The following SERPINB12 variants were observed in gnomAD, a reference collection of about 807,000 sequenced individuals.
The protein encoded by SERPINB12 is serpin B12.
SERPINB12 carries 57 observed loss-of-function variants against 41.1 expected under a neutral mutation model. The ratio of observed to expected loss-of-function variants is 1.39; its 90% confidence interval spans 1.12 to 1.73. The LOEUF (loss-of-function observed/expected upper bound fraction) is 1.73. Ranked by LOEUF, SERPINB12 falls within the 40% of genes most tolerant of loss-of-function variation. The probability of loss-of-function intolerance (pLI) is 0.00; values close to 1 mark genes in which losing one functional copy is unlikely to be tolerated. For synonymous variants in SERPINB12, 180 were observed against 181.3 expected, an observed-to-expected ratio of 0.99 and a Z score of 0.06; for missense variants, 536 against 501.9, an observed-to-expected ratio of 1.07 and a Z score of -0.65.
intron 1 of SERPINB12, among the ~76,000 whole-genome samples, chr18:63,548,321 A>G (rs7238482): frequency 0.012 from 1,869 of 152,252 alleles, 50 homozygotes; most frequent in African/African-American, 0.042. Context: ...AGTATTTAAA[A>G]ATGTATCTTC....
At chr18:63,519,265 A>T in the SERPINB12 span, among the ~76,000 whole-genome samples, 1 of 152,152 alleles carries the variant, frequency 6.6e-6, no homozygotes, top group African/African-American at 2.4e-5. Context: ...GACAGGGACC[A>T]CCCTAGTTTA....
At chr18:63,559,551 G>A in intron 3 of SERPINB12, 27 bp from the exon 4 acceptor site, 1 of 1,612,660 alleles carries the variant, frequency 6.2e-7, no homozygotes, top group Non-Finnish European at 8.5e-7. Context: ...CACAGTGAAG[G>A]TCACATTTTG....
At chr18:63,551,218 A>G (rs1460640303) in intron 1 of SERPINB12, among the ~76,000 whole-genome samples, 1 of 152,000 alleles carries the variant, frequency 6.6e-6, no homozygotes, top group Admixed American at 6.5e-5. Flanking sequence ...GCAGTGAGCC[A>G]AGATCACGCC....
At position 63,566,812 on chromosome 18, in the gene SERPINB12, A is replaced by C. The variant is rs773593784; in HGVS notation, c.1079A>C (p.Tyr360Ser). Residue 360 changes from tyrosine (Y) to serine (S), a missense_variant, in exon 8 of 8, where the codon TAC (tyrosine) becomes TCC (serine). By Grantham distance (144) the Tyr-to-Ser change is moderately radical (BLOSUM62 -2). Transcript: ENST00000382768. ...GGAATCTCTCCAAGTCCCAATTTGT[A>C]CTTGTCAAAAATTATCCACAAAACC... ...LTGISPSPNL[Y>S]LSKIIHKTFV... is the part of the protein sequence containing the mutation. 6.2e-7 allele frequency: 1 copy of C among 1,614,152 alleles called. No individual in the cohort carries two copies. Among genetic ancestry groups the C allele is most frequent in the Admixed American group, 1.7e-5 (1 of 60,026 alleles).
chr18:63,529,667 A>T, the SERPINB12 span, among the ~76,000 whole-genome samples: 2 of 152,130 alleles, frequency 1.3e-5, no homozygotes, highest in East Asian at 3.9e-4. Flanking sequence ...TACTGCATAA[A>T]CTGGTGGAGT....
intron 1 of SERPINB12, among the ~76,000 whole-genome samples, chr18:63,551,903 A>G (rs1416355289): frequency 2.0e-5 from 3 of 152,190 alleles, no homozygotes; most frequent in African/African-American, 7.2e-5. Context: ...GATTTGGTCT[A>G]TGTCCTATTG....
chr18:63,524,859 CTT>C, the SERPINB12 span, among the ~76,000 whole-genome samples: 10 of 150,624 alleles, frequency 6.6e-5, no homozygotes, highest in African/African-American at 2.0e-4. Context: ...AAGTGAGTCT[CTT>C]GTCTCAGCCA....
chr18:63,554,454 A>G (rs1397137121), intron 1 of SERPINB12, among the ~76,000 whole-genome samples: 1 of 152,206 alleles, frequency 6.6e-6, no homozygotes, highest in Non-Finnish European at 1.5e-5. Flanking sequence ...AAGTGTTAAA[A>G]CAAATTACAC....
the SERPINB12 span, among the ~76,000 whole-genome samples, chr18:63,534,361 A>G: frequency 5.3e-5 from 8 of 152,334 alleles, no homozygotes; most frequent in South Asian, 2.1e-4. Context: ...GGGAGTTACT[A>G]AAGTTAAAGG....
At chr18:63,530,949 T>A in the SERPINB12 span, among the ~76,000 whole-genome samples, 1 of 152,174 alleles carries the variant, frequency 6.6e-6, no homozygotes, top group South Asian at 2.1e-4. Context: ...CACTTCCACA[T>A]AATTATTTTT....
At position 63,567,928 on chromosome 18, in the gene SERPINB12, T is replaced by C. The variant is rs1202611710; in HGVS notation, c.*917T>C. Among the ~76,000 whole-genome samples the C allele has an allele frequency of 6.9e-6, 1 of 144,288 alleles. No individual in the cohort carries two copies. Among genetic ancestry groups the C allele is most frequent in the Non-Finnish European group, 1.5e-5 (1 of 64,734 alleles). The allele number at this position is 144,288 out of a possible 152,430, so 94.7% of individuals were successfully genotyped here. A position where few individuals can be genotyped will look rare whatever the true frequency, so the allele number is the denominator to read the frequency against. ...CCTTCTGGCCACGTGGAGGCTGGCC[T>C]CTGTGTGCCCCTCTCTCTGCCTTCT... is the stretch of plus-strand genomic sequence containing the variant. On this transcript the variant is annotated 3_prime_UTR_variant, in exon 8 of 8. Coordinates refer to ENST00000382768, the MANE Select transcript of SERPINB12 (RefSeq NM_001307928.2).
At chr18:63,530,750 T>C in the SERPINB12 span, among the ~76,000 whole-genome samples, 1 of 152,106 alleles carries the variant, frequency 6.6e-6, no homozygotes, top group Non-Finnish European at 1.5e-5. Context: ...TTATAGGTGA[T>C]AAGTACATAA....
chr18:63,530,927 C>G, the SERPINB12 span, among the ~76,000 whole-genome samples: 46 of 152,326 alleles, frequency 3.0e-4, no homozygotes, highest in Non-Finnish European at 4.9e-4. Context: ...TGACCAGCTA[C>G]TAAGTGCCAG....
chr18:63,541,159 G>T (rs576190999), upstream of SERPINB12, among the ~76,000 whole-genome samples: 35 of 151,884 alleles, frequency 2.3e-4, no homozygotes, highest in Non-Finnish European at 4.6e-4. Flanking sequence ...TTATTCTGTG[G>T]GTTAAAGCTG....
At position 63,568,478 on chromosome 18, in the gene SERPINB12, G is replaced by A. The variant is rs912841163; in HGVS notation, c.*1467G>A. ...TCATCTCAAGCTCTAGTCTACTGAA[G>A]GCCTGACCTCTGAGTGTTCCTACTC... On this transcript the variant is annotated 3_prime_UTR_variant, in exon 8 of 8. Transcript: ENST00000382768. Among the ~76,000 whole-genome samples, 8 of 152,178 alleles carry A rather than the reference G, an allele frequency of 5.3e-5. No homozygotes were observed. Among genetic ancestry groups the A allele is most frequent in the Non-Finnish European group, 8.8e-5 (6 of 68,034 alleles).
rs1167768159 is a variant in SERPINB12, at chr18:63,565,447, T to G, written c.708T>G (p.Asn236Lys). Residue 236 changes from asparagine (N) to lysine (K), a missense_variant and splice_region_variant, in exon 7 of 8, where the codon AAT becomes AAG. Transcript: ENST00000382768. ...TVDAPFCLNA[N>K]ENKSVKMMTQ... ...ACCTCCTACCTTGACTACTACAGAA[T>G]GAAAACAAGAGTGTGAAGATGATGA... 6.2e-7 allele frequency: 1 copy of G among 1,611,882 alleles called. No individual in the cohort carries two copies. The highest frequency in any genetic ancestry group is 2.2e-5 in the East Asian group (1 of 44,806).
In SERPINB12 at chr18:63,567,102, T is replaced by C; in HGVS notation, c.*91T>C. ...AGATGGGCATTTGAGTTTTTGGTAA[T>C]ATCTAAAGCATCTCCTTCATCCTCC... On this transcript the variant is annotated 3_prime_UTR_variant, in exon 8 of 8. Transcript: ENST00000382768. 2.4e-6 allele frequency: 3 copies of C among 1,253,864 alleles called. No homozygotes were observed. The highest frequency in any genetic ancestry group is 3.3e-6 in the Non-Finnish European group (3 of 908,876). 77.7% of individuals were successfully genotyped at this position (1,253,864 alleles called of 1,614,324 possible). A position where few individuals can be genotyped will look rare whatever the true frequency, so the allele number is the denominator to read the frequency against.
chr18:63,525,123 T>A, the SERPINB12 span, among the ~76,000 whole-genome samples: 1 of 152,222 alleles, frequency 6.6e-6, no homozygotes, highest in Non-Finnish European at 1.5e-5. Context: ...TATAATTTTT[T>A]AATTTCTTTC....
rs1210447703 is a variant in SERPINB12, at chr18:63,568,279, G to T, written c.*1268G>T. On this transcript the variant is annotated 3_prime_UTR_variant, in exon 8 of 8. Coordinates refer to ENST00000382768, the MANE Select transcript of SERPINB12 (RefSeq NM_001307928.2). ...ACCTATAGTCCCAGCTACTCGGGAGGCTGAGGTGGGAAGATCACTTGAACC... is the reference window on the plus strand; with the variant it reads ...ACCTATAGTCCCAGCTACTCGGGAGTCTGAGGTGGGAAGATCACTTGAACC... 6.6e-6 allele frequency among the ~76,000 whole-genome samples: 1 copy of T among 152,180 alleles called. No homozygotes were observed. Among genetic ancestry groups the T allele is most frequent in the Admixed American group, 6.5e-5 (1 of 15,286 alleles).
Sources: allele counts gnomAD v4.1 joint callset (sites outside exome capture counted in the v4.1 genomes callset), GRCh38; gene constraint gnomAD v4.1.1; transcripts MANE v1.5; gene names NCBI Gene and HGNC (gene_info 2026-07-23, HGNC 2026-07-21).